The following ADK variants were observed in gnomAD, a reference collection of about 807,000 sequenced individuals.
ADK encodes N6,N6-dimethyladenosine kinase.
Under a neutral mutation model 44.7 loss-of-function variants are expected in ADK, and 24 were observed. The ratio of observed to expected loss-of-function variants is 0.54; its 90% CI spans 0.39 to 0.76. The LOEUF is 0.76. ADK is among the 30% of genes least tolerant of loss of function. The pLI is 0.00. For missense variants in ADK, 321 were observed against 425.1 expected (o/e 0.76, Z 2.15); for synonymous variants, 128 against 142.6 (o/e 0.90, Z 0.73).
intron 7 of ADK, among the ~76,000 whole-genome samples, chr10:74,556,657 C>CT (rs1180143071): frequency 5.3e-5 from 8 of 152,168 alleles, no homozygotes; most frequent in African/African-American, 1.9e-4. Flanking sequence ...TTTTCTCCTA[C>CT]TGTCTCCCTT....
At chr10:74,502,309 AC>A (rs1472648451) in intron 6 of ADK, among the ~76,000 whole-genome samples, 25 of 152,254 alleles carry the variant, frequency 1.6e-4, no homozygotes, top group African/African-American at 5.5e-4. Context: ...AAAAGTAAAT[AC>A]AAAAAGAAGC....
intron 4 of ADK, chr10:74,371,992 C>T: frequency 1.2e-6 from 1 of 807,016 alleles, no homozygotes. Flanking sequence ...ACAGATTCTC[C>T]TCTGCACTTT....
chr10:74,325,297 T>A lies in ADK; in HGVS notation c.273+10552T>A, dbSNP rs570367631. Reference sequence around the variant, plus strand: ...ATTTTTGTTTTTTTCAGATAGTTTGTGGTTGATATATAGAAATGCTTTTGT... The same window carrying A: ...ATTTTTGTTTTTTTCAGATAGTTTGAGGTTGATATATAGAAATGCTTTTGT... On this transcript the variant is annotated intron_variant, in intron 4 of 10. Coordinates refer to ENST00000539909, the MANE Select transcript of ADK (RefSeq NM_006721.4). 8.5e-5 allele frequency among the ~76,000 whole-genome samples: 13 copies of A among 152,306 alleles called. 1 individual carries two copies. In the East Asian group the frequency reaches 2.5e-3, roughly 29 times the overall value.
At chr10:74,427,269 G>A (rs985997949) in intron 6 of ADK, among the ~76,000 whole-genome samples, 6 of 152,036 alleles carry the variant, frequency 3.9e-5, no homozygotes, top group Non-Finnish European at 8.8e-5. Flanking sequence ...CGTGATCTCC[G>A]CTCACTGCAA....
intron 1 of ADK, among the ~76,000 whole-genome samples, chr10:74,160,690 GGTGTGTGTGTGT>G (rs779393232): frequency 1.5e-5 from 2 of 136,316 alleles, no homozygotes; most frequent in East Asian, 2.1e-4. Context: ...TGCAGGTAGG[GGTGTGTGTGTGT>G]GTGTGTGTGT....
At chr10:74,201,716 CTATCTATCTATCTATA>C (rs1445478124) in intron 2 of ADK, among the ~76,000 whole-genome samples, 2,011 of 135,264 alleles carry the variant, frequency 0.015, 49 homozygotes, top group African/African-American at 0.051. Context: ...ATCTATCTAT[CTATCTATCTATCTATA>C]TATGGTTCAG....
intron 6 of ADK, among the ~76,000 whole-genome samples, chr10:74,505,878 TG>T (rs1390176563): frequency 1.3e-5 from 2 of 152,190 alleles, no homozygotes; most frequent in African/African-American, 2.4e-5. Flanking sequence ...CCTTTGTTGT[TG>T]AACTCCTGGT....
chr10:74,232,399 GCAGTC>G (rs772219460), intron 3 of ADK, among the ~76,000 whole-genome samples: 21 of 151,886 alleles, frequency 1.4e-4, no homozygotes, highest in Non-Finnish European at 2.4e-4. Context: ...GCACTCACCT[GCAGTC>G]CCAGCTACTC....
chr10:74,283,173 A>G (rs1248926077), intron 3 of ADK, among the ~76,000 whole-genome samples: 1 of 152,140 alleles, frequency 6.6e-6, no homozygotes, highest in Admixed American at 6.5e-5. Context: ...TCTCATGTAG[A>G]TGACGTTTCT....
intron 6 of ADK, among the ~76,000 whole-genome samples, chr10:74,445,070 T>C (rs1364874850): frequency 6.6e-6 from 1 of 152,050 alleles, no homozygotes; most frequent in African/African-American, 2.4e-5. Flanking sequence ...AAATAGTTTA[T>C]TCAATATTTT....
intron 3 of ADK, among the ~76,000 whole-genome samples, chr10:74,302,128 T>TG (rs1840075250): frequency 1.5e-4 from 13 of 89,354 alleles, no homozygotes; most frequent in South Asian, 4.2e-4. Flanking sequence ...TTTTTTTTTT[T>TG]TTTTTTTTTT....
intron 3 of ADK, among the ~76,000 whole-genome samples, chr10:74,254,467 C>T (rs1479875587): frequency 3.3e-5 from 5 of 151,512 alleles, no homozygotes; most frequent in African/African-American, 7.3e-5. Flanking sequence ...AGATATGCCT[C>T]TTTTTTTTAT....
At chr10:74,268,911 T>A (rs1846316351) in intron 3 of ADK, among the ~76,000 whole-genome samples, 1 of 152,242 alleles carries the variant, frequency 6.6e-6, no homozygotes, top group Non-Finnish European at 1.5e-5. Flanking sequence ...AGTGAAATTA[T>A]GATAAATGGT....
chr10:74,513,810 A>G (rs1024104049), intron 6 of ADK, among the ~76,000 whole-genome samples: 3 of 152,046 alleles, frequency 2.0e-5, no homozygotes, highest in African/African-American at 7.2e-5. Context: ...TTTGTTCATT[A>G]CTTTCTCTCA....
chr10:74,686,391 G>C (rs1018747684), intron 10 of ADK, among the ~76,000 whole-genome samples: 4 of 152,152 alleles, frequency 2.6e-5, no homozygotes, highest in African/African-American at 9.7e-5. Flanking sequence ...TTTAAGAGGT[G>C]ATTAGGCCTT....
chr10:74,390,596 C>A (rs2132033886), intron 4 of ADK, among the ~76,000 whole-genome samples: 1 of 152,246 alleles, frequency 6.6e-6, no homozygotes, highest in South Asian at 2.1e-4. Flanking sequence ...AGCATTGATA[C>A]TGTTTTCTGA....
At chr10:74,388,587 A>G (rs893480242) in intron 4 of ADK, among the ~76,000 whole-genome samples, 1 of 152,094 alleles carries the variant, frequency 6.6e-6, no homozygotes, top group Non-Finnish European at 1.5e-5. Flanking sequence ...ATTTGGTTAA[A>G]TGTGTTCCTA....
chr10:74,193,352 A>C (rs1843013483), intron 1 of ADK, among the ~76,000 whole-genome samples: 1 of 151,946 alleles, frequency 6.6e-6, no homozygotes, highest in Non-Finnish European at 1.5e-5. Context: ...TGCACCCATT[A>C]ACTCGTCATT....
chr10:74,155,048 C>T (rs1841709664), intron 1 of ADK, among the ~76,000 whole-genome samples: 4 of 152,184 alleles, frequency 2.6e-5, no homozygotes, highest in Admixed American at 2.6e-4. Context: ...TTTAATAGTA[C>T]TAAAAAGGAA....
Sources: allele counts gnomAD v4.1 joint callset (sites outside exome capture counted in the v4.1 genomes callset), GRCh38; gene constraint gnomAD v4.1.1; transcripts MANE v1.5; gene names NCBI Gene and HGNC (gene_info 2026-07-23, HGNC 2026-07-21).